Variants in LAMC2 observed in about 807,000 individuals in gnomAD.
The protein encoded by LAMC2 is laminin subunit gamma 2.
LAMC2 carries 97 observed loss-of-function variants against 140.2 expected under a neutral mutation model. The observed-to-expected ratio is 0.69, with a 90% CI of 0.59 to 0.82. The LOEUF (loss-of-function observed/expected upper bound fraction) is 0.82, where lower values mean the gene tolerates loss of function less well. Ranked by LOEUF, LAMC2 falls within the 40% of genes least tolerant of loss-of-function variation. The pLI is 0.00. For missense variants in LAMC2, 1,402 were observed against 1,476.1 expected (o/e 0.95, Z 0.82); for synonymous variants, 513 against 540.2 (o/e 0.95, Z 0.70).
In LAMC2 at chr1:183,239,404, A is replaced by G. The variant is rs1660060345; in HGVS notation, c.2910A>G (p.Glu970=). 1.9e-6 allele frequency: 3 copies of G among 1,614,104 alleles called. No homozygotes were observed. Among genetic ancestry groups the G allele is most frequent in the African/African-American group, 1.3e-5 (1 of 74,924 alleles). ...TGGACAACAGAAAAGCAGAAGCTGAAGAAGCCATGAAGAGACTCTCCTACA... is the reference window on the plus strand; with the variant it reads ...TGGACAACAGAAAAGCAGAAGCTGAGGAAGCCATGAAGAGACTCTCCTACA... The part of the protein sequence containing the change: ...LQVDNRKAEA[E]EAMKRLSYIS... The change falls in exon 20 of 23, where the codon GAA becomes GAG. Residue 970 remains glutamate (E), a synonymous_variant. Coordinates refer to ENST00000264144, the MANE Select transcript of LAMC2 (RefSeq NM_005562.3).
intron 1 of LAMC2, among the ~76,000 whole-genome samples, chr1:183,202,974 AC>A (rs1658766240): frequency 6.6e-6 from 1 of 152,208 alleles, no homozygotes; most frequent in South Asian, 2.1e-4. Context: ...CTAAATGCCT[AC>A]CATGGACCAG....
At chr1:183,233,795 T>A (rs2147581) in intron 14 of LAMC2, among the ~76,000 whole-genome samples, 19,065 of 151,876 alleles carry the variant, frequency 0.13, 1,222 homozygotes, top group East Asian at 0.19. Flanking sequence ...TGTTTTGGAT[T>A]TTTTTATGTA....
chr1:183,196,038 C>A (rs895344198), intron 1 of LAMC2, among the ~76,000 whole-genome samples: 2 of 152,068 alleles, frequency 1.3e-5, no homozygotes, highest in Non-Finnish European at 2.9e-5. Flanking sequence ...CTTCTGATGC[C>A]TTTGATATCA....
At chr1:183,213,909 T>C (rs1217357024) in intron 2 of LAMC2, among the ~76,000 whole-genome samples, 1 of 150,444 alleles carries the variant, frequency 6.6e-6, no homozygotes, top group East Asian at 2.0e-4. Context: ...CTACTAAAAA[T>C]ACAAAACTAG....
At chr1:183,203,753 G>A (rs577052696) in intron 1 of LAMC2, among the ~76,000 whole-genome samples, 219 of 152,258 alleles carry the variant, frequency 1.4e-3, no homozygotes, top group Non-Finnish European at 2.4e-3. Flanking sequence ...GCTGTAGAGA[G>A]TGTCTTCACG....
Position 183,227,216 on chromosome 1 carries a change from G to T in LAMC2, c.1286-299G>T, listed in dbSNP as rs1010598671. Among the ~76,000 whole-genome samples, 6 of 152,318 alleles carry T rather than the reference G, an allele frequency of 3.9e-5. No individual in the cohort carries two copies. The South Asian group carries it at 6.2e-4, about 16-fold the overall frequency. On this transcript the variant is annotated intron_variant, in intron 9 of 22. Transcript: ENST00000264144. ...GTGGGGAGATCAAAGACAAGTCCGG[G>T]TCTAAATGAATGTGCCGACAAATGG...
Position 183,232,703 on chromosome 1 carries a change from A to T in LAMC2, c.2066A>T (p.Asn689Ile). The change falls in exon 14 of 23, where the codon AAC becomes ATC. Residue 689 changes from asparagine (N) to isoleucine (I), a missense_variant. This residue lies in a region of LAMC2 where 670 missense variants were observed against 667.2 expected (regional missense o/e 1.00). Coordinates refer to ENST00000264144, the MANE Select transcript of LAMC2 (RefSeq NM_005562.3). ...LQLAKVRSQE[N>I]SYQSRLDDLK... ...TTGGCCAAGGTGAGGAGCCAAGAGA[A>T]CAGCTACCAGAGCCGCCTGGATGAC... 6.2e-7 allele frequency: 1 copy of T among 1,613,694 alleles called. No homozygotes were observed. Among genetic ancestry groups the T allele is most frequent in the Non-Finnish European group, 8.5e-7 (1 of 1,179,948 alleles).
At position 183,231,327 on chromosome 1, in the gene LAMC2, A is replaced by G. The variant is rs148825223; in HGVS notation, c.1857+224A>G. On this transcript the variant is annotated intron_variant, in intron 12 of 22. Transcript: ENST00000264144. Reference sequence around the variant, plus strand: ...ACCATTTTCAAAACCTCTTTTGCAGATACTGTTTCATTTGGTACTCATGAT... The same window carrying G: ...ACCATTTTCAAAACCTCTTTTGCAGGTACTGTTTCATTTGGTACTCATGAT... 2.5e-3 allele frequency among the ~76,000 whole-genome samples: 384 copies of G among 152,304 alleles called. 3 individuals are homozygous for G. Among genetic ancestry groups the G allele is most frequent in the African/African-American group, 8.7e-3 (361 of 41,560 alleles).
rs1659831295 is a variant in LAMC2, at chr1:183,232,536, C to T, written c.2015-116C>T. On this transcript the variant is annotated intron_variant, in intron 13 of 22. Coordinates refer to ENST00000264144, the MANE Select transcript of LAMC2 (RefSeq NM_005562.3). ...ATGGTGATAAAAGAATGGTTGGATG[C>T]ATTTCTCTATTGGGTTTTTGTCATT... The T allele has an allele frequency of 9.1e-6, 10 of 1,098,880 alleles. No homozygotes were observed. The East Asian group carries it at 2.5e-4, about 28-fold the overall frequency. The allele number at this position is 1,098,880 out of a possible 1,614,324, so 68.1% of individuals were successfully genotyped here. A position where few individuals can be genotyped will look rare whatever the true frequency, so the allele number is the denominator to read the frequency against.
In LAMC2 at chr1:183,193,854, T is replaced by C. The variant is rs1228846238; in HGVS notation, c.79+7423T>C. On this transcript the variant is annotated intron_variant, in intron 1 of 22. Coordinates refer to ENST00000264144, the MANE Select transcript of LAMC2 (RefSeq NM_005562.3). ...TTCATGGTCCAGTCTCTTCTCAAAA[T>C]GTTTGTTACTTCTCTTTATGGATGT... Among the ~76,000 whole-genome samples, 500 of 58,158 alleles carry C rather than the reference T, an allele frequency of 8.6e-3. 4 individuals are homozygous for C. Among genetic ancestry groups the C allele is most frequent in the African/African-American group, 0.02 (482 of 23,532 alleles). The allele number at this position is 58,158 out of a possible 152,430, so 38.2% of individuals were successfully genotyped here. A position where few individuals can be genotyped will look rare whatever the true frequency, so the allele number is the denominator to read the frequency against.
the LAMC2 span, among the ~76,000 whole-genome samples, chr1:183,255,670 T>G: frequency 6.8e-6 from 1 of 147,060 alleles, no homozygotes; most frequent in African/African-American, 2.7e-5. Context: ...GGGTTTTTTT[T>G]TTTTTTTTTT....
In LAMC2 at chr1:183,222,193, G is replaced by A. The variant is rs537342313; in HGVS notation, c.745G>A (p.Val249Ile). The A allele has an allele frequency of 6.2e-7, 1 of 1,614,154 alleles. No homozygotes were observed. The highest frequency in any genetic ancestry group is 1.3e-5 in the African/African-American group (1 of 75,048). The change falls in exon 6 of 23, where the codon GTC becomes ATC. Residue 249 changes from valine to isoleucine, a missense_variant. Val to Ile is a conservative substitution (Grantham distance 29). Transcript: ENST00000264144. ...VFSSAQRLDPVYFVAPAKFLG... is the reference protein window; with the variant it reads ...VFSSAQRLDPIYFVAPAKFLG... ...TAGCTCAGCCCAACGACTAGACCCT[G>A]TCTATTTTGTGGCTCCTGGTATGTG...
Position 183,236,764 on chromosome 1 carries a change from C to T in LAMC2, c.2601+160C>T, listed in dbSNP as rs188509316. ...ATTTAGCCTTCTCATTACCCATTTG[C>T]TTGTTCTTAAACCACAATCCTAGTC... On this transcript the variant is annotated intron_variant, in intron 17 of 22. Transcript: ENST00000264144. Among the ~76,000 whole-genome samples, 43 of 152,326 alleles carry T rather than the reference C, an allele frequency of 2.8e-4. No individual in the cohort carries two copies. The East Asian group carries it at 7.3e-3, about 26-fold the overall frequency.
chr1:183,247,643 A>C (rs772891718), downstream of LAMC2, among the ~76,000 whole-genome samples: 3 of 152,214 alleles, frequency 2.0e-5, no homozygotes, highest in Non-Finnish European at 4.4e-5. Context: ...GAGCCAGCCT[A>C]ATAGGGAATT....
chr1:183,239,329 A>C (rs1334592294), intron 19 of LAMC2, 35 bp from the exon 20 acceptor site: 3 of 1,600,994 alleles, frequency 1.9e-6, no homozygotes, highest in Non-Finnish European at 2.6e-6. Flanking sequence ...ATTTGCTTTC[A>C]TCTTCACGGC....
At chr1:183,187,112 G>A (rs1313771342) in intron 1 of LAMC2, among the ~76,000 whole-genome samples, 1 of 152,162 alleles carries the variant, frequency 6.6e-6, no homozygotes, top group African/African-American at 2.4e-5. Flanking sequence ...TGTCAGCTAT[G>A]GCAACATTTT....
Position 183,240,137 on chromosome 1 carries a change from T to G in LAMC2, c.3167T>G (p.Val1056Gly). The change falls in exon 21 of 23, where the codon GTG becomes GGG. Residue 1056 changes from valine (V) to glycine (G), a missense_variant. By Grantham distance (109) the Val-to-Gly change is moderately radical. Around this residue, in one of 3 missense-constraint regions of LAMC2, gnomAD observed 670 missense variants for 667.2 expected, o/e 1.00. Transcript: ENST00000264144. ...TCTCTGAAGAGTGAGATGAGGGAAG[T>G]GGAAGGAGAGCTGGAAAGGAAGGAG... ...LASLKSEMRE[V>G]EGELERKELE... 6.2e-7 allele frequency: 1 copy of G among 1,614,034 alleles called. No individual in the cohort carries two copies. The highest frequency in any genetic ancestry group is 8.5e-7 in the Non-Finnish European group (1 of 1,179,994).
intron 3 of LAMC2, among the ~76,000 whole-genome samples, chr1:183,217,574 T>G (rs1364911346): frequency 6.6e-6 from 1 of 152,222 alleles, no homozygotes; most frequent in Non-Finnish European, 1.5e-5. Context: ...ATTTATGTAC[T>G]GACACATACT....
chr1:183,207,152 C>G (rs1658910744), intron 1 of LAMC2, among the ~76,000 whole-genome samples: 1 of 152,192 alleles, frequency 6.6e-6, no homozygotes, highest in South Asian at 2.1e-4. Flanking sequence ...CCCATCATCT[C>G]TCTCTCCGAG....
Sources: gnomAD v4.1 joint callset for allele counts (sites outside exome capture counted in the v4.1 genomes callset) on GRCh38, gnomAD v4.1.1 for gene constraint, gnomAD v4.1.1 regional missense constraint, MANE v1.5 for transcripts, NCBI Gene and HGNC (gene_info 2026-07-23, HGNC 2026-07-21) for gene names.